Variants in SYNRG observed in about 807,000 individuals in gnomAD.
SYNRG encodes the protein AP1 gamma subunit binding protein 1.
SYNRG carries 37 observed loss-of-function variants against 130.9 expected under a neutral mutation model. The ratio of observed to expected loss-of-function variants is 0.28; its 90% CI spans 0.22 to 0.37. SYNRG has a LOEUF of 0.37. SYNRG is among the 10% of genes least tolerant of loss of function. The pLI is 1.00. For synonymous variants in SYNRG, 539 were observed against 568.1 expected, an observed-to-expected ratio of 0.95 and a Z score of 0.73; for missense variants, 1,338 against 1,588.9, an observed-to-expected ratio of 0.84 and a Z score of 2.68.
In SYNRG at chr17:37,538,412, C is replaced by T; in HGVS notation, c.3429G>A (p.Lys1143=). The T allele has an allele frequency of 6.2e-7, 1 of 1,604,038 alleles. No homozygotes were observed. Among genetic ancestry groups the T allele is most frequent in the Non-Finnish European group, 8.5e-7 (1 of 1,175,884 alleles). Reference sequence around the variant, plus strand: ...TTCCATTTAAGGTATCATTTGCCTTCTTAATGACCTACAAGAAATGAAATC... The same window carrying T: ...TTCCATTTAAGGTATCATTTGCCTTTTTAATGACCTACAAGAAATGAAATC... ...RCLGSALNVI[K]KANDTLNGIS... Residue 1143 remains lysine, a synonymous_variant, in exon 18 of 22, where the codon AAG becomes AAA. Coordinates refer to ENST00000612223, the MANE Select transcript of SYNRG (RefSeq NM_007247.6).
intron 13 of SYNRG, among the ~76,000 whole-genome samples, chr17:37,560,755 C>T (rs942658861): frequency 6.6e-6 from 1 of 151,420 alleles, no homozygotes; most frequent in Non-Finnish European, 1.5e-5. Context: ...GCAACCTCTG[C>T]CTGGGTTCAA....
chr17:37,557,945 T>C lies in SYNRG; in HGVS notation c.1663+3250A>G, dbSNP rs373193226. ...CTATTGTCTATTACGGGAATACACA[T>C]TATGGTCATTAATACCATATTACAC... On this transcript the variant is annotated intron_variant, in intron 13 of 21. Transcript: ENST00000612223. Among the ~76,000 whole-genome samples the C allele has an allele frequency of 2.0e-5, 3 of 152,350 alleles. No individual in the cohort carries two copies. In the East Asian group the frequency reaches 5.8e-4, roughly 29 times the overall value.
In SYNRG at chr17:37,517,960, TG is replaced by T. The variant is rs1423663917; in HGVS notation, c.*979del. ...ATTTTCTTCTACTTCTTCTAAGTCA[TG>T]TATCTATCCCATAAATATACATCTT... is the stretch of plus-strand genomic sequence containing the variant. On this transcript the variant is annotated 3_prime_UTR_variant, in exon 22 of 22. Transcript: ENST00000612223. 6.6e-6 allele frequency: 1 copy of T among 152,228 alleles called. No homozygotes were observed. Among genetic ancestry groups the T allele is most frequent in the Non-Finnish European group, 1.5e-5 (1 of 68,036 alleles). The allele number at this position is 152,228 out of a possible 1,614,324, so 9.4% of individuals were successfully genotyped here. A position where few individuals can be genotyped will look rare whatever the true frequency, so the allele number is the denominator to read the frequency against.
At chr17:37,570,597 T>C (rs1238742199) in intron 10 of SYNRG, 40 bp downstream of exon 10, 1 of 1,578,468 alleles carries the variant, frequency 6.3e-7, no homozygotes, top group East Asian at 2.3e-5. Flanking sequence ...CAGATTCACT[T>C]TCAGTGATTA....
rs906132889 is a variant in SYNRG at position 37,549,509 on chromosome 17, GA to G, written c.2608+3605del. 8.7e-5 allele frequency among the ~76,000 whole-genome samples: 13 copies of G among 150,178 alleles called. No homozygotes were observed. The Middle Eastern group carries it at 0.01, about 118-fold the overall frequency. ...AGAATTTGCTTTATGTACTATGAGT[GA>G]AAAAAAAAGGCTGAGGGTTGCTTCA... On this transcript the variant is annotated intron_variant, in intron 14 of 21. Transcript: ENST00000612223.
At chr17:37,609,222 C>T in intron 1 of SYNRG, 57 bp downstream of exon 1, 1 of 1,377,962 alleles carries the variant, frequency 7.3e-7, no homozygotes, top group Non-Finnish European at 9.3e-7. Context: ...AACTGCCAAG[C>T]GCCCCTCGCC....
intron 9 of SYNRG, among the ~76,000 whole-genome samples, chr17:37,571,230 AAC>A (rs1312805521): frequency 2.0e-5 from 3 of 152,338 alleles, no homozygotes; most frequent in African/African-American, 7.2e-5. Context: ...AGAATTTCAA[AAC>A]ACAGAGTAAT....
rs2054365983 is a variant in SYNRG, at chr17:37,515,564, T to C, written c.*3376A>G. On this transcript the variant is annotated 3_prime_UTR_variant, in exon 22 of 22. Coordinates refer to ENST00000612223, the MANE Select transcript of SYNRG (RefSeq NM_007247.6). ...ACCTCCGCCTCTCTGGTTCAAGCAA[T>C]TCTCCTGCCTCAGCCTCCCGAGTAG... 6.6e-6 allele frequency: 1 copy of C among 152,344 alleles called. No homozygotes were observed. Among genetic ancestry groups the C allele is most frequent in the Non-Finnish European group, 1.5e-5 (1 of 68,132 alleles). 9.4% of individuals were successfully genotyped at this position (152,344 alleles called of 1,614,324 possible).
At chr17:37,568,684 G>T in intron 11 of SYNRG, 107 bp downstream of exon 11, 1 of 1,178,248 alleles carries the variant, frequency 8.5e-7, no homozygotes, top group Non-Finnish European at 1.2e-6. Flanking sequence ...GAAAGTAGTA[G>T]AGTAAGGAGT....
chr17:37,597,717 A>G (rs1251418593), intron 2 of SYNRG, among the ~76,000 whole-genome samples: 1 of 152,238 alleles, frequency 6.6e-6, no homozygotes, highest in Non-Finnish European at 1.5e-5. Context: ...ATGAATATAC[A>G]TCCCTTTGGG....
At chr17:37,532,671 C>CAAAAAA (rs56982337) in intron 19 of SYNRG, among the ~76,000 whole-genome samples, 1 of 79,138 alleles carries the variant, frequency 1.3e-5, no homozygotes, top group Non-Finnish European at 2.4e-5. Context: ...AGATCTGTCT[C>CAAAAAA]AAAAAAAAAA....
At chr17:37,586,593 T>C in intron 3 of SYNRG, 44 bp from the exon 4 acceptor site, 1 of 1,603,898 alleles carries the variant, frequency 6.2e-7, no homozygotes, top group East Asian at 2.2e-5. Context: ...ATTTATCCCT[T>C]TAATTATCAC....
intron 19 of SYNRG, among the ~76,000 whole-genome samples, chr17:37,521,666 G>A (rs2055080495): frequency 6.6e-6 from 1 of 152,202 alleles, no homozygotes; most frequent in Non-Finnish European, 1.5e-5. Context: ...ATTGGGGGTG[G>A]CAATCCTCAG....
intron 13 of SYNRG, 109 bp from the exon 14 acceptor site, chr17:37,554,168 T>C (rs753877692): frequency 1.1e-6 from 1 of 932,888 alleles, no homozygotes; most frequent in Non-Finnish European, 1.6e-6. Context: ...TCCACTGACT[T>C]GACATTACTT....
In SYNRG at chr17:37,609,379, T is replaced by C. The variant is rs1429266846; in HGVS notation, c.-24A>G. 7.8e-6 allele frequency: 11 copies of C among 1,407,016 alleles called. No homozygotes were observed. Among genetic ancestry groups the C allele is most frequent in the Non-Finnish European group, 9.2e-6 (10 of 1,084,668 alleles). The allele number at this position is 1,407,016 out of a possible 1,614,324, so 87.2% of individuals were successfully genotyped here. On this transcript the variant is annotated 5_prime_UTR_variant, in exon 1 of 22. Transcript: ENST00000612223. ...ATCTTGCTCCCGACCTGCCGCTGCCTTCGCCGCCGCCACCTTATCAGCAGC... is the reference window on the plus strand; with the variant it reads ...ATCTTGCTCCCGACCTGCCGCTGCCCTCGCCGCCGCCACCTTATCAGCAGC...
chr17:37,521,354 T>C (rs1250558097), intron 19 of SYNRG, among the ~76,000 whole-genome samples: 1 of 151,952 alleles, frequency 6.6e-6, no homozygotes, highest in Non-Finnish European at 1.5e-5. Context: ...TAAAATCACC[T>C]TGGCTGAGTG....
intron 8 of SYNRG, 129 bp downstream of exon 8, chr17:37,576,212 C>T: frequency 1.2e-6 from 1 of 822,272 alleles, no homozygotes; most frequent in South Asian, 1.8e-5. Context: ...TGTACTCTTT[C>T]AGAAAAAAAG....
chr17:37,521,241 G>T (rs561558571), intron 19 of SYNRG, among the ~76,000 whole-genome samples: 1 of 152,072 alleles, frequency 6.6e-6, no homozygotes, highest in South Asian at 2.1e-4. Flanking sequence ...TGTTGGTCAG[G>T]CTGGTCTTGA....
intron 3 of SYNRG, among the ~76,000 whole-genome samples, chr17:37,587,472 C>G (rs746108462): frequency 4.0e-5 from 6 of 151,804 alleles, no homozygotes; most frequent in Non-Finnish European, 8.8e-5. Context: ...GAGACTGCTA[C>G]TTCTCTTCTA....
Sources: allele counts gnomAD v4.1 joint callset (sites outside exome capture counted in the v4.1 genomes callset), GRCh38; gene constraint gnomAD v4.1.1; transcripts MANE v1.5; gene names NCBI Gene and HGNC (gene_info 2026-07-23, HGNC 2026-07-21).